Variants in KCNJ18 observed in about 807,000 individuals in gnomAD.
KCNJ18 encodes inward rectifier potassium channel 18.
In KCNJ18, 16 loss-of-function variants were observed where a neutral mutation model predicts 17.3. The ratio of observed to expected loss-of-function variants is 0.92; its 90% CI spans 0.62 to 1.40. KCNJ18 has a LOEUF of 1.40. Among genes scored for constraint, KCNJ18 ranks in the 40% most tolerant of loss-of-function variants. The pLI, the probability that KCNJ18 is intolerant of heterozygous loss-of-function variation, is 0.00. For synonymous variants in KCNJ18, 185 were observed against 262.6 expected, an observed-to-expected ratio of 0.70 and a Z score of 2.86; for missense variants, 462 against 626.8, an observed-to-expected ratio of 0.74 and a Z score of 2.81.
chr17:21,703,335 G>T lies in KCNJ18; in HGVS notation c.549G>T (p.Lys183Asn). The change falls in exon 3 of 3, where the codon AAG becomes AAT. Residue 183 changes from lysine to asparagine, a missense_variant. Lys to Asn is a moderately conservative substitution (Grantham distance 94). Coordinates refer to ENST00000567955, the MANE Select transcript of KCNJ18 (RefSeq NM_001194958.2). ...TCATGATTGGTGCCATCATGGCCAA[G>T]ATGGCAAGGCCCAAGAAGCGGGCAC... ...DSFMIGAIMA[K>N]MARPKKRAQT... The T allele has an allele frequency of 1.2e-6, 2 of 1,606,634 alleles. No individual in the cohort carries two copies. Among genetic ancestry groups the T allele is most frequent in the Non-Finnish European group, 1.7e-6 (2 of 1,175,906 alleles).
chr17:21,693,234 T>C (rs1375231524), intron 1 of KCNJ18, among the ~76,000 whole-genome samples: 1 of 152,292 alleles, frequency 6.6e-6, no homozygotes, highest in Non-Finnish European at 1.5e-5. Context: ...GTTTGCAGGG[T>C]GCTGCCCTGC....
chr17:21,693,441 G>T (rs1396499999), intron 1 of KCNJ18, among the ~76,000 whole-genome samples: 19 of 152,308 alleles, frequency 1.2e-4, no homozygotes, highest in Admixed American at 1.2e-3. Flanking sequence ...GCAGGATGTG[G>T]ATAGATGCTG....
rs1195865456 is a variant in KCNJ18, at chr17:21,702,904, C to G, written c.118C>G (p.Arg40Gly). ...CGGCAACGGCAAGGTGCACACGCGGCGCAGGTGCCGCAACCGCTTCGTCAA... is the reference window on the plus strand; with the variant it reads ...CGGCAACGGCAAGGTGCACACGCGGGGCAGGTGCCGCAACCGCTTCGTCAA... ...GFGNGKVHTRRRCRNRFVKKN... is the reference protein window; with the variant it reads ...GFGNGKVHTRGRCRNRFVKKN... The change falls in exon 3 of 3, where the codon CGC (arginine) becomes GGC (glycine). Residue 40 changes from arginine (R) to glycine (G), a missense_variant. Physicochemically the swap from Arg to Gly is moderately radical, Grantham distance 125 (BLOSUM62 -2). Transcript: ENST00000567955. 6.3e-7 allele frequency: 1 copy of G among 1,595,328 alleles called. No individual in the cohort carries two copies. The highest frequency in any genetic ancestry group is 1.7e-5 in the Admixed American group (1 of 57,886).
At position 21,703,113 on chromosome 17, in the gene KCNJ18, C is replaced by A; in HGVS notation, c.327C>A (p.His109Gln). ...GVIFWVIAVA[H>Q]GDLEPAEGHG... is the part of the protein sequence containing the mutation. ...TCTTCTGGGTCATCGCGGTGGCACA[C>A]GGTGACCTGGAGCCGGCTGAGGGCC... Residue 109 changes from histidine to glutamine, a missense_variant, in exon 3 of 3, where the codon CAC (histidine) becomes CAA (glutamine). Transcript: ENST00000567955. 1 of 1,354,646 alleles carries A rather than the reference C, an allele frequency of 7.4e-7. No individual in the cohort carries two copies. The allele number at this position is 1,354,646 out of a possible 1,614,324, so 83.9% of individuals were successfully genotyped here. A position where few individuals can be genotyped will look rare whatever the true frequency, so the allele number is the denominator to read the frequency against.
chr17:21,702,800 G>T lies in KCNJ18; in HGVS notation c.14G>T (p.Ser5Ile). 1 of 1,591,192 alleles carries T rather than the reference G, an allele frequency of 6.3e-7. No individual in the cohort carries two copies. The highest frequency in any genetic ancestry group is 8.5e-7 in the Non-Finnish European group (1 of 1,176,056). ...CCAACCCCCGGGATGACCGCGGCCA[G>T]CCGGGCCAACCCCTACAGCATCGTG... MTAA[S>I]RANPYSIVSL... is the part of the protein sequence containing the mutation. The change falls in exon 3 of 3, where the codon AGC (serine) becomes ATC (isoleucine). Residue 5 changes from serine (S) to isoleucine (I), a missense_variant. By Grantham distance (142) the Ser-to-Ile change is moderately radical. Transcript: ENST00000567955.
chr17:21,696,413 G>A (rs1164294653), intron 2 of KCNJ18, among the ~76,000 whole-genome samples: 1 of 151,996 alleles, frequency 6.6e-6, no homozygotes, highest in African/African-American at 2.4e-5. Context: ...CCACCCATCT[G>A]TCAACCCGAT....
intron 1 of KCNJ18, among the ~76,000 whole-genome samples, chr17:21,693,655 T>A (rs1212385020): frequency 6.6e-6 from 1 of 152,308 alleles, no homozygotes; most frequent in Non-Finnish European, 1.5e-5. Context: ...TGCAGCCAGC[T>A]GCCAAGCATG....
chr17:21,702,781 C>G lies in KCNJ18; in HGVS notation c.-6C>G. On this transcript the variant is annotated 5_prime_UTR_variant, in exon 3 of 3. Transcript: ENST00000567955. ...GGGGGTGAGCCAGGGTCCCCCAACC[C>G]CCGGGATGACCGCGGCCAGCCGGGC... 6.3e-7 allele frequency: 1 copy of G among 1,579,040 alleles called. No individual in the cohort carries two copies. Among genetic ancestry groups the G allele is most frequent in the Non-Finnish European group, 8.5e-7 (1 of 1,170,564 alleles).
Position 21,702,762 on chromosome 17 carries a change from G to A in KCNJ18, c.-25G>A, listed in dbSNP as rs1439065677. ...CCCTGCCTGGAGCTAGCCTGGGGGT[G>A]AGCCAGGGTCCCCCAACCCCCGGGA... On this transcript the variant is annotated 5_prime_UTR_variant, in exon 3 of 3. Coordinates refer to ENST00000567955, the MANE Select transcript of KCNJ18 (RefSeq NM_001194958.2). 16 of 1,560,874 alleles carry A rather than the reference G, an allele frequency of 1.0e-5. No individual in the cohort carries two copies. The highest frequency in any genetic ancestry group is 4.1e-5 in the African/African-American group (3 of 73,920).
At chr17:21,699,424 C>T (rs1905865309) in intron 2 of KCNJ18, among the ~76,000 whole-genome samples, 1 of 152,246 alleles carries the variant, frequency 6.6e-6, no homozygotes, top group African/African-American at 2.4e-5. Flanking sequence ...CTTTGTGGTG[C>T]TGTATTCACC....
intron 1 of KCNJ18, among the ~76,000 whole-genome samples, chr17:21,695,768 A>G (rs1905740474): frequency 6.6e-6 from 1 of 152,310 alleles, no homozygotes; most frequent in African/African-American, 2.4e-5. Context: ...TTTCTCTGAC[A>G]CTCCATCTTG....
At chr17:21,696,286 C>CGCCCAT (rs1905757162) in intron 2 of KCNJ18, among the ~76,000 whole-genome samples, 182 bp downstream of exon 2, 1 of 151,874 alleles carries the variant, frequency 6.6e-6, no homozygotes, top group East Asian at 1.9e-4. Context: ...TCCATCCCCT[C>CGCCCAT]GCCCATGCCA....
chr17:21,697,979 T>A (rs1309083588), intron 2 of KCNJ18, among the ~76,000 whole-genome samples: 2 of 152,296 alleles, frequency 1.3e-5, no homozygotes, highest in Non-Finnish European at 2.9e-5. Flanking sequence ...CTCCAAGGGG[T>A]CTTCCAATGG....
intron 2 of KCNJ18, among the ~76,000 whole-genome samples, chr17:21,701,497 C>A (rs1242010313): frequency 6.6e-6 from 1 of 152,212 alleles, no homozygotes; most frequent in Non-Finnish European, 1.5e-5. Flanking sequence ...TTTGGCACTG[C>A]TGGTGACCAA....
Position 21,703,197 on chromosome 17 carries a change from C to T in KCNJ18, c.411C>T (p.Ser137=). 2 of 1,609,718 alleles carry T rather than the reference C, an allele frequency of 1.2e-6. No individual in the cohort carries two copies. Among genetic ancestry groups the T allele is most frequent in the Admixed American group, 1.7e-5 (1 of 59,758 alleles). Residue 137 remains serine (S), a synonymous_variant, in exon 3 of 3, where the codon TCC becomes TCT. Coordinates refer to ENST00000567955, the MANE Select transcript of KCNJ18 (RefSeq NM_001194958.2). ...GCTTCATGGCGGCCTTCCTCTTCTC[C>T]ATCGAGACGCAGACCACCATCGGCT... ...VHGFMAAFLF[S]IETQTTIGYG...
In KCNJ18 at chr17:21,703,208, A is replaced by C; in HGVS notation, c.422A>C (p.Gln141Pro). 1.2e-6 allele frequency: 2 copies of C among 1,610,678 alleles called. No individual in the cohort carries two copies. Among genetic ancestry groups the C allele is most frequent in the Non-Finnish European group, 1.7e-6 (2 of 1,179,244 alleles). The part of the protein sequence containing the change: ...MAAFLFSIET[Q>P]TTIGYGLRCV... ...GCCTTCCTCTTCTCCATCGAGACGC[A>C]GACCACCATCGGCTACGGGCTGCGC... Residue 141 changes from glutamine (Q) to proline (P), a missense_variant, in exon 3 of 3, where the codon CAG (glutamine) becomes CCG (proline). This residue lies in a region of KCNJ18 where 237 missense variants were observed against 259.4 expected (regional missense o/e 0.91). Transcript: ENST00000567955.
At chr17:21,692,943 G>T in intron 1 of KCNJ18, among the ~76,000 whole-genome samples, 1 of 152,312 alleles carries the variant, frequency 6.6e-6, no homozygotes, top group Non-Finnish European at 1.5e-5. Context: ...CTGAGCCTCA[G>T]GAAGGGGAAG....
chr17:21,697,924 C>T (rs1905816210), intron 2 of KCNJ18, among the ~76,000 whole-genome samples: 1 of 152,430 alleles, frequency 6.6e-6, no homozygotes, highest in African/African-American at 2.4e-5. Flanking sequence ...GGAGCAGGCA[C>T]CTTGGGCGGG....
At chr17:21,698,904 C>T (rs1388868764) in intron 2 of KCNJ18, among the ~76,000 whole-genome samples, 10 of 152,284 alleles carry the variant, frequency 6.6e-5, no homozygotes, top group Admixed American at 6.5e-5. Context: ...GGGTTTGCTT[C>T]ACTGCCCCTT....
Sources: gnomAD v4.1 joint callset for allele counts (sites outside exome capture counted in the v4.1 genomes callset) on GRCh38, gnomAD v4.1.1 for gene constraint, gnomAD v4.1.1 regional missense constraint, MANE v1.5 for transcripts, NCBI Gene and HGNC (gene_info 2026-07-23, HGNC 2026-07-21) for gene names.